The following NKAIN2 variants were observed in gnomAD, a reference collection of about 807,000 sequenced individuals.
NKAIN2 encodes the protein sodium/potassium transporting ATPase interacting 2.
Under a neutral mutation model 32.6 loss-of-function variants are expected in NKAIN2, and 14 were observed. That is an observed-to-expected ratio of 0.43 (90% CI 0.28 to 0.67). NKAIN2 has a LOEUF of 0.67. Ranked by LOEUF, NKAIN2 falls within the 30% of genes least tolerant of loss-of-function variation. The probability of loss-of-function intolerance (pLI) is 0.17; values close to 1 mark genes in which losing one functional copy is unlikely to be tolerated. For missense variants in NKAIN2, 198 were observed against 258.3 expected (o/e 0.77, Z 1.60); for synonymous variants, 80 against 87.2 (o/e 0.92, Z 0.46).
At chr6:124,574,076 A>C (rs1781237441) in intron 3 of NKAIN2, among the ~76,000 whole-genome samples, 1 of 152,180 alleles carries the variant, frequency 6.6e-6, no homozygotes, top group African/African-American at 2.4e-5. Flanking sequence ...ATTTTTAAAA[A>C]AAGAAGTGGA....
chr6:124,246,186 A>T (rs1024723292), intron 1 of NKAIN2, among the ~76,000 whole-genome samples: 1 of 151,944 alleles, frequency 6.6e-6, no homozygotes, highest in South Asian at 2.1e-4. Context: ...GGTTTCGGGG[A>T]TTCTTATTTA....
chr6:124,062,923 G>A (rs1050740681), intron 1 of NKAIN2, among the ~76,000 whole-genome samples: 2 of 152,034 alleles, frequency 1.3e-5, no homozygotes, highest in Admixed American at 6.6e-5. Context: ...GGCTGGGCGC[G>A]GTGGCTCACG....
chr6:124,681,830 C>T (rs1423494717), intron 4 of NKAIN2, among the ~76,000 whole-genome samples: 3 of 151,942 alleles, frequency 2.0e-5, no homozygotes, highest in Non-Finnish European at 4.4e-5. Flanking sequence ...GCACCCTCAC[C>T]TATAAACAGG....
intron 4 of NKAIN2, among the ~76,000 whole-genome samples, chr6:124,776,167 A>G (rs1363051665): frequency 6.6e-6 from 1 of 152,198 alleles, no homozygotes; most frequent in East Asian, 1.9e-4. Context: ...CCTGTAAGCA[A>G]TGATTAAAAC....
chr6:124,793,794 T>C (rs1345084853), intron 5 of NKAIN2, among the ~76,000 whole-genome samples: 1 of 152,180 alleles, frequency 6.6e-6, no homozygotes, highest in African/African-American at 2.4e-5. Context: ...ATGTCCTTTT[T>C]TTTGTTTTCT....
At chr6:124,433,287 ACT>A (rs1219028671) in intron 3 of NKAIN2, among the ~76,000 whole-genome samples, 1 of 152,074 alleles carries the variant, frequency 6.6e-6, no homozygotes, top group Non-Finnish European at 1.5e-5. Flanking sequence ...CATGAAGAAA[ACT>A]CTAGAGAAAA....
At chr6:124,786,167 G>T (rs543773179) in intron 4 of NKAIN2, among the ~76,000 whole-genome samples, 29 of 152,076 alleles carry the variant, frequency 1.9e-4, no homozygotes, top group South Asian at 4.2e-4. Flanking sequence ...CAGAGTTATA[G>T]GCTTCTTCAG....
intron 2 of NKAIN2, among the ~76,000 whole-genome samples, chr6:124,311,328 C>T (rs1477425758): frequency 6.6e-6 from 1 of 152,046 alleles, no homozygotes; most frequent in Admixed American, 6.6e-5. Flanking sequence ...TTTGAAAATA[C>T]ACAAGGAGGA....
At chr6:124,589,577 A>G (rs1781832146) in intron 3 of NKAIN2, among the ~76,000 whole-genome samples, 1 of 152,232 alleles carries the variant, frequency 6.6e-6, no homozygotes. Flanking sequence ...CTAATTGACA[A>G]GATACATACA....
chr6:124,585,004 A>C (rs1179245317), intron 3 of NKAIN2, among the ~76,000 whole-genome samples: 1 of 152,276 alleles, frequency 6.6e-6, no homozygotes, highest in South Asian at 2.1e-4. Context: ...AGATATCTGC[A>C]CTCCCATGTT....
intron 1 of NKAIN2, among the ~76,000 whole-genome samples, chr6:123,810,623 T>C (rs1253560099): frequency 1.3e-5 from 2 of 152,108 alleles, no homozygotes; most frequent in Admixed American, 1.3e-4. Flanking sequence ...TAAAATGTAT[T>C]ATATGGAAAG....
chr6:124,658,940 T>TGA, intron 4 of NKAIN2: 1 of 134,898 alleles, frequency 7.4e-6, no homozygotes, highest in Non-Finnish European at 1.5e-5. Flanking sequence ...GCCCCCATTT[T>TGA]TCATAGTACT....
chr6:124,788,128 T>A (rs536597104), intron 4 of NKAIN2, among the ~76,000 whole-genome samples: 1 of 152,188 alleles, frequency 6.6e-6, no homozygotes, highest in East Asian at 1.9e-4. Context: ...GCTACAAAAT[T>A]GCAAACTCCT....
At chr6:124,509,490 C>T (rs1778627412) in intron 3 of NKAIN2, among the ~76,000 whole-genome samples, 1 of 152,094 alleles carries the variant, frequency 6.6e-6, no homozygotes, top group Non-Finnish European at 1.5e-5. Flanking sequence ...ATTATTTTTC[C>T]TGCAGTTTAT....
At chr6:124,160,719 A>C (rs1788228967) in intron 1 of NKAIN2, among the ~76,000 whole-genome samples, 1 of 152,140 alleles carries the variant, frequency 6.6e-6, no homozygotes, top group Non-Finnish European at 1.5e-5. Flanking sequence ...TTTCATATTC[A>C]AGAGAGGGGT....
At chr6:124,768,012 T>A (rs901638511) in intron 4 of NKAIN2, among the ~76,000 whole-genome samples, 1 of 152,218 alleles carries the variant, frequency 6.6e-6, no homozygotes. Flanking sequence ...TAAAGTTATG[T>A]TAAATTACAT....
intron 1 of NKAIN2, among the ~76,000 whole-genome samples, chr6:124,090,328 A>C (rs1784360519): frequency 6.6e-6 from 1 of 152,074 alleles, no homozygotes; most frequent in Non-Finnish European, 1.5e-5. Flanking sequence ...TATGAATGAA[A>C]ACTGCTAAAG....
At chr6:124,387,878 A>C (rs891468054) in intron 3 of NKAIN2, among the ~76,000 whole-genome samples, 2 of 152,094 alleles carry the variant, frequency 1.3e-5, no homozygotes, top group African/African-American at 4.8e-5. Context: ...AATAATTTAA[A>C]AGGCAAATGG....
chr6:124,651,784 G>A (rs1006261086), intron 3 of NKAIN2, among the ~76,000 whole-genome samples: 1 of 152,134 alleles, frequency 6.6e-6, no homozygotes, highest in African/African-American at 2.4e-5. Flanking sequence ...TCTATGATAA[G>A]AGGGAAAGTC....
Sources: allele counts gnomAD v4.1 joint callset (sites outside exome capture counted in the v4.1 genomes callset), GRCh38; gene constraint gnomAD v4.1.1; transcripts MANE v1.5; gene names NCBI Gene and HGNC (gene_info 2026-07-23, HGNC 2026-07-21).